The following SDHD variants were observed in gnomAD, a reference collection of about 807,000 sequenced individuals.
SDHD encodes succinate dehydrogenase [ubiquinone] cytochrome b small subunit, mitochondrial.
In SDHD, 6 loss-of-function variants were observed where a neutral mutation model predicts 18.7. The ratio of observed to expected loss-of-function variants is 0.32; its 90% confidence interval spans 0.18 to 0.63. The LOEUF (loss-of-function observed/expected upper bound fraction) is 0.63, where lower values mean the gene tolerates loss of function less well. SDHD is among the 30% of genes least tolerant of loss of function. SDHD has a pLI of 0.79. For missense variants in SDHD, 160 were observed against 192.7 expected (o/e 0.83, Z 1.00); for synonymous variants, 56 against 73.9 (o/e 0.76, Z 1.24).
intron 3 of SDHD, among the ~76,000 whole-genome samples, chr11:112,092,506 G>A (rs780179622): frequency 6.6e-6 from 1 of 152,086 alleles, no homozygotes; most frequent in Non-Finnish European, 1.5e-5. Flanking sequence ...TGGCCAATAA[G>A]CACATCAGAA....
chr11:112,091,835 G>A (rs532725044), intron 3 of SDHD, among the ~76,000 whole-genome samples: 3 of 152,328 alleles, frequency 2.0e-5, no homozygotes, highest in South Asian at 4.1e-4. Context: ...TTGGGAGGCC[G>A]AGGCGGGCGG....
chr11:112,087,475 A>T (rs777339862), intron 1 of SDHD, among the ~76,000 whole-genome samples: 5 of 152,216 alleles, frequency 3.3e-5, no homozygotes, highest in African/African-American at 4.8e-5. Flanking sequence ...GATGAGGAAA[A>T]CACTGTCATA....
intron 3 of SDHD, among the ~76,000 whole-genome samples, chr11:112,091,440 T>G (rs1353972677): frequency 6.6e-6 from 1 of 152,208 alleles, no homozygotes; most frequent in Non-Finnish European, 1.5e-5. Flanking sequence ...TCTCCTCTTG[T>G]CTGACCTCGA....
chr11:112,087,722 G>C, intron 1 of SDHD, 135 bp from the exon 2 acceptor site: 3 of 755,734 alleles, frequency 4.0e-6, no homozygotes, highest in Non-Finnish European at 7.2e-6. Context: ...CAGTGAAATA[G>C]ATGCTATCTT....
chr11:112,088,656 G>C (rs1865677501), intron 2 of SDHD: 3 of 632,096 alleles, frequency 4.7e-6, no homozygotes, highest in South Asian at 3.6e-5. Context: ...AGATACCCTT[G>C]TGCTAAAAGA....
intron 1 of SDHD, among the ~76,000 whole-genome samples, chr11:112,087,380 A>T (rs947692849): frequency 6.6e-6 from 1 of 152,130 alleles, no homozygotes; most frequent in African/African-American, 2.4e-5. Context: ...TAACCTGGGC[A>T]TTTGTGTTAC....
Position 112,095,041 on chromosome 11 carries a change from C to A in SDHD, c.*71C>A, listed in dbSNP as rs886047700. On this transcript the variant is annotated 3_prime_UTR_variant, in exon 4 of 4. Coordinates refer to ENST00000375549, the MANE Select transcript of SDHD (RefSeq NM_003002.4). ...CTCTGCTTTGTCATGCCATTAAGCT[C>A]ACAATAAGGAAGAAATAACAGATAA... The A allele has an allele frequency of 2.5e-5, 30 of 1,208,384 alleles. No homozygotes were observed. The highest frequency in any genetic ancestry group is 8.6e-6 in the Non-Finnish European group (7 of 815,030). The allele number at this position is 1,208,384 out of a possible 1,614,324, so 74.9% of individuals were successfully genotyped here.
At chr11:112,091,182 A>AGAC in intron 3 of SDHD, 1 of 699,590 alleles carries the variant, frequency 1.4e-6, no homozygotes, top group Non-Finnish European at 1.8e-6. Flanking sequence ...AGCTGTCTAT[A>AGAC]ATGTGCTCCA....
intron 3 of SDHD, 97 bp downstream of exon 3, chr11:112,089,108 C>T: frequency 1.5e-6 from 2 of 1,368,120 alleles, no homozygotes. Flanking sequence ...ATTGAAATGC[C>T]CTAAATTTGT....
rs1865830228 is a variant in SDHD, at chr11:112,095,680, T to C, written c.*710T>C. On this transcript the variant is annotated 3_prime_UTR_variant, in exon 4 of 4. Coordinates refer to ENST00000375549, the MANE Select transcript of SDHD (RefSeq NM_003002.4). ...CAATCTGTCCACAAATATAAAACTA[T>C]AAGTAATAAATTGTTATTTTCGCAC... 1 of 221,622 alleles carries C rather than the reference T, an allele frequency of 4.5e-6. No homozygotes were observed. The highest frequency in any genetic ancestry group is 6.8e-5 in the East Asian group (1 of 14,722). 13.7% of individuals were successfully genotyped at this position (221,622 alleles called of 1,614,324 possible).
Position 112,094,566 on chromosome 11 carries a change from G to A in SDHD, c.315-239G>A, listed in dbSNP as rs7122054. On this transcript the variant is annotated intron_variant, in intron 3 of 3. Transcript: ENST00000375549. ...TATGATCAGGCCACTGCACTCCAGC[G>A]TGGGCAACAGAGTAAGACTTTGTCT... 0.11 allele frequency among the ~76,000 whole-genome samples: 16,160 copies of A among 152,090 alleles called. 2,535 individuals carry two copies. The highest frequency in any genetic ancestry group is 0.34 in the African/African-American group (14,258 of 41,434).
intron 2 of SDHD, chr11:112,088,344 C>T (rs905332090): frequency 3.7e-5 from 13 of 348,866 alleles, no homozygotes; most frequent in Non-Finnish European, 2.8e-5. Context: ...GGATTACAGG[C>T]GCCCACCACC....
chr11:112,095,767 T>C lies in SDHD; in HGVS notation c.*797T>C, dbSNP rs1322046047. 4.9e-6 allele frequency: 1 copy of C among 206,096 alleles called. No homozygotes were observed. Among genetic ancestry groups the C allele is most frequent in the African/African-American group, 2.3e-5 (1 of 43,916 alleles). The allele number at this position is 206,096 out of a possible 1,614,324, so 12.8% of individuals were successfully genotyped here. ...AATAATTTTTTTAAATAAAATGTTA[T>C]ATAATAAAAGTGTCTTCTATGCTTT... On this transcript the variant is annotated 3_prime_UTR_variant, in exon 4 of 4. Transcript: ENST00000375549.
intron 3 of SDHD, among the ~76,000 whole-genome samples, chr11:112,093,775 A>G (rs528169960): frequency 6.6e-6 from 1 of 152,258 alleles, no homozygotes; most frequent in East Asian, 1.9e-4. Flanking sequence ...CCAGCCACAC[A>G]AATCTTACTA....
At chr11:112,094,722 T>G in intron 3 of SDHD, 83 bp from the exon 4 acceptor site, 1 of 1,290,910 alleles carries the variant, frequency 7.7e-7, no homozygotes, top group South Asian at 1.3e-5. Flanking sequence ...GACAGATTGT[T>G]TTTTTGCAGC....
chr11:112,090,549 G>C (rs1003448453), intron 3 of SDHD, among the ~76,000 whole-genome samples: 2 of 152,108 alleles, frequency 1.3e-5, no homozygotes, highest in African/African-American at 2.4e-5. Context: ...TGTCATTGTG[G>C]GGGGTAGGGA....
At chr11:112,092,072 A>T (rs1473892432) in intron 3 of SDHD, among the ~76,000 whole-genome samples, 1 of 152,118 alleles carries the variant, frequency 6.6e-6, no homozygotes, top group Non-Finnish European at 1.5e-5. Flanking sequence ...TGTCTCAAAA[A>T]AACAAAACTC....
chr11:112,087,059 G>C (rs1181059094), intron 1 of SDHD, 100 bp downstream of exon 1: 1 of 1,350,180 alleles, frequency 7.4e-7, no homozygotes, highest in African/African-American at 1.4e-5. Flanking sequence ...CTCTTGAGGA[G>C]AAGAAAATAC....
chr11:112,087,414 G>T (rs939098213), intron 1 of SDHD, among the ~76,000 whole-genome samples: 2 of 152,286 alleles, frequency 1.3e-5, no homozygotes, highest in South Asian at 4.2e-4. Flanking sequence ...GTAATGCTAG[G>T]ATACAAATGT....
Sources: gnomAD v4.1 joint callset for allele counts (sites outside exome capture counted in the v4.1 genomes callset) on GRCh38, gnomAD v4.1.1 for gene constraint, MANE v1.5 for transcripts, NCBI Gene and HGNC (gene_info 2026-07-23, HGNC 2026-07-21) for gene names.